Variants in SCAI observed in about 807,000 individuals in gnomAD.
SCAI encodes suppressor of cancer cell invasion.
SCAI carries 24 observed loss-of-function variants against 92.2 expected under a neutral mutation model. That is an observed-to-expected ratio of 0.26 (90% CI 0.19 to 0.37). SCAI has a LOEUF of 0.37. Ranked by LOEUF, SCAI falls within the 10% of genes least tolerant of loss-of-function variation. The pLI, the probability that SCAI is intolerant of heterozygous loss-of-function variation, is 1.00. For synonymous variants in SCAI, 261 were observed against 258.6 expected (o/e 1.01, Z -0.09); for missense variants, 450 against 736.2 (o/e 0.61, Z 4.50).
At chr9:124,988,694 A>C (rs1259859426) in intron 14 of SCAI, among the ~76,000 whole-genome samples, 2 of 152,192 alleles carry the variant, frequency 1.3e-5, no homozygotes, top group African/African-American at 4.8e-5. Context: ...AGACAACCAG[A>C]CCAGAATGTG....
chr9:125,108,590 GC>G (rs1834862960), intron 2 of SCAI, among the ~76,000 whole-genome samples: 1 of 122,392 alleles, frequency 8.2e-6, no homozygotes, highest in Non-Finnish European at 1.7e-5. Context: ...GAGCCCCTCC[GC>G]CCGGCAGCCG....
At chr9:124,991,372 A>AC (rs1832119268) in intron 14 of SCAI, among the ~76,000 whole-genome samples, 1 of 151,116 alleles carries the variant, frequency 6.6e-6, no homozygotes, top group Non-Finnish European at 1.5e-5. Flanking sequence ...AAAAAAAAAA[A>AC]AAAAAATTAA....
intron 14 of SCAI, among the ~76,000 whole-genome samples, chr9:124,982,065 C>T (rs1322102605): frequency 3.9e-5 from 6 of 152,112 alleles, no homozygotes; most frequent in Non-Finnish European, 5.9e-5. Flanking sequence ...TGATAAACTA[C>T]TTTGGGGTAA....
At chr9:124,969,579 CAAT>C (rs986298215) in intron 17 of SCAI, among the ~76,000 whole-genome samples, 2 of 152,156 alleles carry the variant, frequency 1.3e-5, no homozygotes, top group African/African-American at 4.8e-5. Context: ...ATTAAAACCA[CAAT>C]GTCCTACCAC....
intron 2 of SCAI, among the ~76,000 whole-genome samples, chr9:125,114,425 A>G (rs1383189961): frequency 6.6e-6 from 1 of 152,220 alleles, no homozygotes; most frequent in Non-Finnish European, 1.5e-5. Context: ...TACATCTAGT[A>G]TAATGGCTAA....
chr9:124,983,516 C>A (rs1417013578), intron 14 of SCAI, among the ~76,000 whole-genome samples: 2 of 152,140 alleles, frequency 1.3e-5, no homozygotes, highest in Non-Finnish European at 2.9e-5. Context: ...CCACACCCGG[C>A]TAATTTTTGT....
chr9:125,001,412 C>T (rs1266769062), intron 12 of SCAI, among the ~76,000 whole-genome samples: 1 of 152,166 alleles, frequency 6.6e-6, no homozygotes, highest in East Asian at 1.9e-4. Context: ...GACAGTGTTA[C>T]GTTTTTATTC....
intron 17 of SCAI, 48 bp from the exon 18 acceptor site, chr9:124,953,001 A>C: frequency 6.8e-7 from 1 of 1,477,212 alleles, no homozygotes. Context: ...CTAATGAAAG[A>C]AAATTATACA....
At chr9:125,054,605 A>G (rs1312808991) in intron 3 of SCAI, among the ~76,000 whole-genome samples, 2 of 152,200 alleles carry the variant, frequency 1.3e-5, no homozygotes, top group Admixed American at 6.6e-5. Flanking sequence ...CAGGAAAATA[A>G]AAGATTTAAA....
chr9:124,975,950 T>C (rs1831745607), intron 15 of SCAI, among the ~76,000 whole-genome samples, 164 bp downstream of exon 15: 1 of 152,184 alleles, frequency 6.6e-6, no homozygotes, highest in Non-Finnish European at 1.5e-5. Flanking sequence ...ATCCTGGTTG[T>C]TGGCAAGGCT....
At chr9:125,015,874 T>C (rs957763373) in intron 9 of SCAI, among the ~76,000 whole-genome samples, 2 of 152,000 alleles carry the variant, frequency 1.3e-5, no homozygotes, top group Non-Finnish European at 2.9e-5. Context: ...GTTCATGTCC[T>C]TTGTAGGGAC....
At chr9:124,978,768 A>G (rs1235333877) in intron 14 of SCAI, among the ~76,000 whole-genome samples, 1 of 152,236 alleles carries the variant, frequency 6.6e-6, no homozygotes, top group Non-Finnish European at 1.5e-5. Context: ...GGATTGGTAC[A>G]ATAAATTATG....
chr9:125,007,852 CTT>C (rs111813442), intron 9 of SCAI, among the ~76,000 whole-genome samples: 2 of 145,766 alleles, frequency 1.4e-5, no homozygotes. Flanking sequence ...TTTTCTTTTT[CTT>C]TTTTTTTTTG....
chr9:124,950,567 T>C lies in SCAI; in HGVS notation c.*2240A>G, dbSNP rs1274686743. 6.6e-6 allele frequency: 1 copy of C among 152,040 alleles called. No individual in the cohort carries two copies. The highest frequency in any genetic ancestry group is 1.5e-5 in the Non-Finnish European group (1 of 68,022). 9.4% of individuals were successfully genotyped at this position (152,040 alleles called of 1,614,324 possible). Reference sequence around the variant, plus strand: ...AAACAAGAGGTCAGAAAACCGAAGATAGTCTATTGCTGTAGTTCAATGAAC... The same window carrying C: ...AAACAAGAGGTCAGAAAACCGAAGACAGTCTATTGCTGTAGTTCAATGAAC... On this transcript the variant is annotated 3_prime_UTR_variant, in exon 18 of 18. Transcript: ENST00000336505.
intron 2 of SCAI, among the ~76,000 whole-genome samples, chr9:125,078,484 C>T (rs189651462): frequency 2.6e-5 from 4 of 152,214 alleles, no homozygotes; most frequent in East Asian, 1.9e-4. Context: ...GCTGAGATCA[C>T]GCCACTGCAC....
intron 3 of SCAI, among the ~76,000 whole-genome samples, chr9:125,046,244 CAT>C (rs1370998484): frequency 2.2e-5 from 2 of 90,866 alleles, no homozygotes; most frequent in South Asian, 3.8e-4. Flanking sequence ...CATATATATA[CAT>C]ATATATACAC....
intron 3 of SCAI, among the ~76,000 whole-genome samples, chr9:125,032,675 G>A (rs1343705602): frequency 6.7e-6 from 1 of 149,448 alleles, no homozygotes; most frequent in Admixed American, 6.7e-5. Flanking sequence ...GTGCAGTGGC[G>A]CGACCTCAGC....
chr9:125,042,866 T>G (rs1833354754), intron 3 of SCAI, among the ~76,000 whole-genome samples: 3 of 113,230 alleles, frequency 2.6e-5, no homozygotes, highest in Admixed American at 2.6e-4. Context: ...GGCTTTTTTT[T>G]TTTTTTTTTT....
intron 12 of SCAI, among the ~76,000 whole-genome samples, chr9:125,001,744 T>C (rs1331029885): frequency 1.3e-5 from 2 of 152,358 alleles, no homozygotes; most frequent in Admixed American, 6.5e-5. Flanking sequence ...GCATTTAATA[T>C]ATGAATTTTC....
Sources: allele counts gnomAD v4.1 joint callset (sites outside exome capture counted in the v4.1 genomes callset), GRCh38; gene constraint gnomAD v4.1.1; transcripts MANE v1.5; gene names NCBI Gene and HGNC (gene_info 2026-07-23, HGNC 2026-07-21).